Variants in FBN2 observed in about 807,000 individuals in gnomAD.
FBN2 encodes the protein fibrillin-2.
FBN2 carries 105 observed loss-of-function variants against 355.6 expected under a neutral mutation model. The ratio of observed to expected loss-of-function variants is 0.30; its 90% CI spans 0.25 to 0.35. The LOEUF is 0.35. FBN2 is among the 10% of genes least tolerant of loss of function. The probability of loss-of-function intolerance (pLI) is 1.00; values close to 1 mark genes in which losing one functional copy is unlikely to be tolerated. For missense variants in FBN2, 3,280 were observed against 3,758.7 expected, an observed-to-expected ratio of 0.87 and a Z score of 3.33; for synonymous variants, 1,350 against 1,301.2, an observed-to-expected ratio of 1.04 and a Z score of -0.81.
chr5:128,383,378 C>T (rs1207617431), intron 11 of FBN2, among the ~76,000 whole-genome samples: 1 of 151,940 alleles, frequency 6.6e-6, no homozygotes, highest in African/African-American at 2.4e-5. Context: ...GAAGCAAAAA[C>T]TGAAGAAAAC....
Position 128,464,849 on chromosome 5 carries a change from C to T in FBN2, c.701G>A (p.Cys234Tyr), listed in dbSNP as rs138691282. 6.2e-7 allele frequency: 1 copy of T among 1,614,254 alleles called. No homozygotes were observed. The highest frequency in any genetic ancestry group is 2.2e-5 in the East Asian group (1 of 44,884). Residue 234 changes from cysteine (C) to tyrosine (Y), a missense_variant, in exon 6 of 65, where the codon TGC becomes TAC. Coordinates refer to ENST00000262464, the MANE Select transcript of FBN2 (RefSeq NM_001999.4). ...MCQGQLTGIV[C>Y]TKTLCCATIG... ...GGTGGCACAGCACAGAGTCTTCGTG[C>T]AGACAATGCCTGTCAGCTGCCCTTG...
intron 48 of FBN2, among the ~76,000 whole-genome samples, chr5:128,295,759 A>C (rs1749488338): frequency 7.5e-6 from 1 of 133,828 alleles, no homozygotes; most frequent in Non-Finnish European, 1.6e-5. Context: ...GGTTTTCTAG[A>C]TATACAATCA....
At chr5:128,283,717 T>C (rs931300201) in intron 55 of FBN2, among the ~76,000 whole-genome samples, 17 of 152,306 alleles carry the variant, frequency 1.1e-4, no homozygotes, top group Admixed American at 6.5e-4. Context: ...TGACTTGATA[T>C]TCCCACTTGG....
chr5:128,310,392 ATATATATATATT>A (rs1332864472), intron 39 of FBN2, among the ~76,000 whole-genome samples: 8 of 29,784 alleles, frequency 2.7e-4, no homozygotes, highest in African/African-American at 4.6e-4. Context: ...ATATATATAT[ATATATATATATT>A]TTTTTTTTTT....
chr5:128,359,121 C>CA (rs1207848795), intron 19 of FBN2, among the ~76,000 whole-genome samples: 4 of 151,584 alleles, frequency 2.6e-5, no homozygotes, highest in African/African-American at 7.3e-5. Context: ...AGAGCTCAAA[C>CA]AAAAAAAGTA....
At position 128,537,407 on chromosome 5, in the gene FBN2, T is replaced by G. The variant is rs1756883847; in HGVS notation, c.197A>C (p.Glu66Ala). ...GGFLAPEYRE[E>A]GAAVASRVRR... Reference sequence around the variant, plus strand: ...GACGCGGCTGGCCACTGCGGCACCCTCCTCGCGATACTCGGGCGCTAGAAA... The same window carrying G: ...GACGCGGCTGGCCACTGCGGCACCCGCCTCGCGATACTCGGGCGCTAGAAA... The change falls in exon 1 of 65, where the codon GAG (glutamate) becomes GCG (alanine). Residue 66 changes from glutamate to alanine, a missense_variant. Coordinates refer to ENST00000262464, the MANE Select transcript of FBN2 (RefSeq NM_001999.4). The G allele has an allele frequency of 6.2e-7, 1 of 1,610,050 alleles. No homozygotes were observed. Among genetic ancestry groups the G allele is most frequent in the Non-Finnish European group, 8.5e-7 (1 of 1,179,500 alleles).
intron 8 of FBN2, among the ~76,000 whole-genome samples, chr5:128,404,032 CAT>C (rs1300077904): frequency 6.6e-6 from 1 of 152,184 alleles, no homozygotes; most frequent in African/African-American, 2.4e-5. Context: ...ACTTTCAGCA[CAT>C]GTGAGCTCTC....
chr5:128,470,678 TGAAA>T (rs1441054995), intron 5 of FBN2, among the ~76,000 whole-genome samples: 1 of 151,950 alleles, frequency 6.6e-6, no homozygotes, highest in Non-Finnish European at 1.5e-5. Flanking sequence ...GATTAAGAAA[TGAAA>T]GAAAGCAGTG....
rs564524326 is a variant in FBN2 at position 128,487,624 on chromosome 5, T to G, written c.629-22703A>C. Reference sequence around the variant, plus strand: ...TGGTTATGGTGGTTTCTCTATTACCTAGCACAGTGACTAGCAGATGAGAGC... The same window carrying G: ...TGGTTATGGTGGTTTCTCTATTACCGAGCACAGTGACTAGCAGATGAGAGC... On this transcript the variant is annotated intron_variant, in intron 5 of 64. Coordinates refer to ENST00000262464, the MANE Select transcript of FBN2 (RefSeq NM_001999.4). Among the ~76,000 whole-genome samples, 78 of 152,312 alleles carry G rather than the reference T, an allele frequency of 5.1e-4. No individual in the cohort carries two copies. In the Middle Eastern group the frequency reaches 0.02, roughly 40 times the overall value.
chr5:128,528,063 C>A, intron 3 of FBN2, 96 bp from the exon 4 acceptor site: 1 of 786,566 alleles, frequency 1.3e-6, no homozygotes, highest in South Asian at 1.5e-5. Flanking sequence ...TTATCCAATT[C>A]AATGACAATT....
chr5:128,324,676 G>T (rs1329720010), intron 34 of FBN2, among the ~76,000 whole-genome samples: 1 of 149,930 alleles, frequency 6.7e-6, no homozygotes, highest in African/African-American at 2.5e-5. Context: ...GGAGTGCAGT[G>T]GCGTGATCTC....
intron 47 of FBN2, 80 bp from the exon 48 acceptor site, chr5:128,301,016 TA>T (rs1243747573): frequency 7.3e-7 from 1 of 1,370,300 alleles, no homozygotes; most frequent in East Asian, 2.3e-5. Context: ...CAAATGATAT[TA>T]ACATGAATTC....
chr5:128,318,604 T>C (rs1750278763), intron 35 of FBN2, among the ~76,000 whole-genome samples: 2 of 151,872 alleles, frequency 1.3e-5, no homozygotes, highest in South Asian at 4.1e-4. Flanking sequence ...ATGTACTATA[T>C]ATACATATAC....
At chr5:128,517,508 T>A (rs1415666700) in intron 5 of FBN2, among the ~76,000 whole-genome samples, 1 of 152,194 alleles carries the variant, frequency 6.6e-6, no homozygotes, top group African/African-American at 2.4e-5. Flanking sequence ...TTTAAATTCA[T>A]CCTAAGTGTA....
chr5:128,408,871 T>C, intron 7 of FBN2, 72 bp from the exon 8 acceptor site: 1 of 1,563,460 alleles, frequency 6.4e-7, no homozygotes, highest in Non-Finnish European at 8.8e-7. Context: ...AGATTTTTTT[T>C]TTAAGAGTAT....
At chr5:128,439,773 C>T (rs1372413103) in intron 7 of FBN2, among the ~76,000 whole-genome samples, 3 of 151,854 alleles carry the variant, frequency 2.0e-5, no homozygotes, top group African/African-American at 7.3e-5. Flanking sequence ...TTCTCTATAA[C>T]TTTTAAGTGG....
intron 4 of FBN2, among the ~76,000 whole-genome samples, chr5:128,521,523 A>C (rs1289249031): frequency 6.6e-6 from 1 of 152,232 alleles, no homozygotes; most frequent in Non-Finnish European, 1.5e-5. Flanking sequence ...AGAAATTAAA[A>C]TACAATTAAA....
At chr5:128,447,579 C>T (rs1221492719) in intron 6 of FBN2, among the ~76,000 whole-genome samples, 8 of 152,128 alleles carry the variant, frequency 5.3e-5, no homozygotes, top group East Asian at 1.9e-4. Context: ...AATGCATGCC[C>T]GAAACTTCAT....
chr5:128,340,473 T>A (rs1241173413), intron 25 of FBN2, among the ~76,000 whole-genome samples: 2 of 152,232 alleles, frequency 1.3e-5, no homozygotes, highest in African/African-American at 4.8e-5. Flanking sequence ...ATTAAGTAGC[T>A]AACAATATGT....
Sources: gnomAD v4.1 joint callset for allele counts (sites outside exome capture counted in the v4.1 genomes callset) on GRCh38, gnomAD v4.1.1 for gene constraint, MANE v1.5 for transcripts, NCBI Gene and HGNC (gene_info 2026-07-23, HGNC 2026-07-21) for gene names.